APOL4: variants seen among roughly 807,000 people sequenced by gnomAD.
APOL4 encodes the protein apolipoprotein L4, also known as apolipoprotein L, 4.
In APOL4, 14 loss-of-function variants were observed where a neutral mutation model predicts 12.1. That is an observed-to-expected ratio of 1.16 (90% CI 0.76 to 1.81). APOL4 has a LOEUF of 1.81. APOL4 is among the 40% of genes most tolerant of loss of function. The pLI, the probability that APOL4 is intolerant of heterozygous loss-of-function variation, is 0.00. For missense variants in APOL4, 432 were observed against 423.1 expected, an observed-to-expected ratio of 1.02 and a Z score of -0.18; for synonymous variants, 171 against 160.6, an observed-to-expected ratio of 1.06 and a Z score of -0.49.
intron 3 of APOL4, among the ~76,000 whole-genome samples, chr22:36,193,904 G>A (rs1226057790): frequency 2.0e-5 from 3 of 152,006 alleles, no homozygotes; most frequent in Admixed American, 6.6e-5. Context: ...CAAACTTCAG[G>A]GTCTCACTCT....
chr22:36,195,336 A>G lies in APOL4; in HGVS notation c.184T>C (p.Phe62Leu). The stretch of plus-strand genomic sequence containing the variant: ...CTGGGCAATTCAGCCACACGCACAA[A>G]TCTCTTCCAGGCTTCATCGCTAGTC... ...LLTSDEAWKR[F>L]VRVAELPREE... Residue 62 changes from phenylalanine to leucine, a missense_variant, in exon 3 of 4, where the codon TTT (phenylalanine) becomes CTT (leucine). Physicochemically the swap from Phe to Leu is conservative, Grantham distance 22. Transcript: ENST00000683024. 1 of 1,613,974 alleles carries G rather than the reference A, an allele frequency of 6.2e-7. No homozygotes were observed. Among genetic ancestry groups the G allele is most frequent in the Non-Finnish European group, 8.5e-7 (1 of 1,179,912 alleles).
In APOL4 at chr22:36,191,024, C is replaced by A. The variant is rs1603477275; in HGVS notation, c.*51G>T. 2.0e-6 allele frequency: 3 copies of A among 1,477,840 alleles called. No individual in the cohort carries two copies. The East Asian group carries it at 7.3e-5, about 36-fold the overall frequency. 91.5% of individuals were successfully genotyped at this position (1,477,840 alleles called of 1,614,324 possible). Reference sequence around the variant, plus strand: ...CACAATCCACGTTCTTCTGCCATGGCTTCAGCCAGTCCCTCCGTTTGGGGT... The same window carrying A: ...CACAATCCACGTTCTTCTGCCATGGATTCAGCCAGTCCCTCCGTTTGGGGT... On this transcript the variant is annotated 3_prime_UTR_variant, in exon 4 of 4. Transcript: ENST00000683024.
Position 36,191,692 on chromosome 22 carries a change from A to T in APOL4, c.430T>A (p.Ser144Thr). The T allele has an allele frequency of 6.2e-7, 1 of 1,614,078 alleles. No homozygotes were observed. Among genetic ancestry groups the T allele is most frequent in the Non-Finnish European group, 8.5e-7 (1 of 1,179,908 alleles). The change falls in exon 4 of 4, where the codon TCT becomes ACT. Residue 144 changes from serine (S) to threonine (T), a missense_variant. Coordinates refer to ENST00000683024, the MANE Select transcript of APOL4 (RefSeq NM_001386885.1). ...HRGCVIANVV[S>T]GSTGILSVIG... ...ACAGACAGGATGCCAGTGGAGCCAG[A>T]CACCACATTGGCGATGACGCAGCCT...
intron 1 of APOL4, among the ~76,000 whole-genome samples, chr22:36,200,432 G>A (rs1422792879): frequency 6.6e-6 from 1 of 152,302 alleles, no homozygotes; most frequent in East Asian, 1.9e-4. Context: ...TGTCCCCCTT[G>A]CTTCTCTAAG....
intron 1 of APOL4, 34 bp downstream of exon 1, chr22:36,201,666 G>A (rs764372369): frequency 6.3e-7 from 1 of 1,581,870 alleles, no homozygotes; most frequent in South Asian, 1.2e-5. Flanking sequence ...GAGCAGAGGA[G>A]CAGGAGGGCA....
rs1256399217 is a variant in APOL4 at position 36,189,616 on chromosome 22, T to C, written c.*1459A>G. 1 of 152,266 alleles carries C rather than the reference T, an allele frequency of 6.6e-6. No individual in the cohort carries two copies. Among genetic ancestry groups the C allele is most frequent in the East Asian group, 1.9e-4 (1 of 5,192 alleles). 9.4% of individuals were successfully genotyped at this position (152,266 alleles called of 1,614,324 possible). On this transcript the variant is annotated 3_prime_UTR_variant, in exon 4 of 4. Transcript: ENST00000683024. ...CTGTTTCTTCTCCTGTATCCAACAG[T>C]TCTAACTGTGGCTTTCTCCATTTTC...
At chr22:36,200,093 G>A (rs372625031) in intron 1 of APOL4, among the ~76,000 whole-genome samples, 14 of 150,404 alleles carry the variant, frequency 9.3e-5, no homozygotes, top group East Asian at 8.0e-4. Flanking sequence ...AGGCGTGAGC[G>A]GTCGCGCCGG....
intron 3 of APOL4, 154 bp downstream of exon 3, chr22:36,195,157 G>C: frequency 1.0e-6 from 1 of 981,222 alleles, no homozygotes; most frequent in South Asian, 1.8e-5. Context: ...GAAGCACTTG[G>C]AGGAAATATT....
rs777380305 is a variant in APOL4 at position 36,197,702 on chromosome 22, T to C, written c.82+1628A>G. Reference sequence around the variant, plus strand: ...TGAGCAGCCAGCTGACAGAGGGCCATGCTGAGATGTGGATACTGGGAGGTC... The same window carrying C: ...TGAGCAGCCAGCTGACAGAGGGCCACGCTGAGATGTGGATACTGGGAGGTC... On this transcript the variant is annotated intron_variant, in intron 2 of 3. Coordinates refer to ENST00000683024, the MANE Select transcript of APOL4 (RefSeq NM_001386885.1). The C allele has an allele frequency of 2.3e-5, 35 of 1,550,476 alleles. No homozygotes were observed. In the South Asian group the frequency reaches 3.6e-4, roughly 16 times the overall value.
At chr22:36,204,690 A>T, upstream of APOL4, 3 of 577,794 alleles carry the variant, frequency 5.2e-6, no homozygotes, top group Non-Finnish European at 8.1e-6. Flanking sequence ...TGTGGATCTC[A>T]CCTCCAGCTG....
At position 36,189,139 on chromosome 22, in the gene APOL4, C is replaced by T. The variant is rs1444072190; in HGVS notation, c.*1936G>A. The T allele has an allele frequency of 6.6e-6, 1 of 152,180 alleles. No individual in the cohort carries two copies. Among genetic ancestry groups the T allele is most frequent in the Non-Finnish European group, 1.5e-5 (1 of 68,054 alleles). The allele number at this position is 152,180 out of a possible 1,614,324, so 9.4% of individuals were successfully genotyped here. ...TAAACAAGTCCAGCTTGGCGAGTAG[C>T]TAAGTTTATTAGGACTTACACACAG... On this transcript the variant is annotated 3_prime_UTR_variant, in exon 4 of 4. Transcript: ENST00000683024.
intron 2 of APOL4, chr22:36,197,618 G>C (rs1569531352): frequency 6.5e-7 from 1 of 1,531,164 alleles, no homozygotes; most frequent in Non-Finnish European, 8.8e-7. Flanking sequence ...ATCTGAACTG[G>C]GGTCATATCA....
At chr22:36,199,693 G>T in intron 1 of APOL4, 1 of 1,516,032 alleles carries the variant, frequency 6.6e-7, no homozygotes, top group Non-Finnish European at 8.9e-7. Context: ...CGCAGAAATA[G>T]AGATGGGAAG....
At chr22:36,196,710 C>T (rs919007663) in intron 2 of APOL4, among the ~76,000 whole-genome samples, 2 of 152,116 alleles carry the variant, frequency 1.3e-5, no homozygotes, top group Non-Finnish European at 2.9e-5. Flanking sequence ...ACGTGCGAGG[C>T]CTCATTCTCA....
rs1300262977 is a variant in APOL4 at position 36,201,723 on chromosome 22, C to T, written c.12G>A (p.Trp4Ter). The change falls in exon 1 of 4, where the codon TGG becomes TGA. Residue 4 changes from tryptophan (W) to a stop codon, truncating the protein, a stop_gained. Coordinates refer to ENST00000683024, the MANE Select transcript of APOL4 (RefSeq NM_001386885.1). LOFTEE classifies it high-confidence loss of function. The part of the protein sequence containing the change: MGS[W>*]VQLITSVGVQ... ...ACCCGACGCTTGTGATGAGCTGCAC[C>T]CAGGATCCCATCCTCCTTGGTCATT... 6.2e-7 allele frequency: 1 copy of T among 1,608,162 alleles called. No homozygotes were observed. Among genetic ancestry groups the T allele is most frequent in the East Asian group, 2.2e-5 (1 of 44,746 alleles).
chr22:36,189,713 C>G lies in APOL4; in HGVS notation c.*1362G>C, dbSNP rs2014192973. 3 of 152,572 alleles carry G rather than the reference C, an allele frequency of 2.0e-5. No individual in the cohort carries two copies. Among genetic ancestry groups the G allele is most frequent in the South Asian group, 3.9e-4 (2 of 5,172 alleles). 9.5% of individuals were successfully genotyped at this position (152,572 alleles called of 1,614,324 possible). A position where few individuals can be genotyped will look rare whatever the true frequency, so the allele number is the denominator to read the frequency against. The stretch of plus-strand genomic sequence containing the variant: ...CCCTCTCTTCCTCCCCCAATATACT[C>G]TTTAGTCTAGAGTAAACTGCTTCTT... On this transcript the variant is annotated 3_prime_UTR_variant, in exon 4 of 4. Transcript: ENST00000683024.
chr22:36,195,743 A>ATC (rs143180155), intron 2 of APOL4, among the ~76,000 whole-genome samples: 94 of 93,460 alleles, frequency 1.0e-3, no homozygotes, highest in South Asian at 2.9e-3. Context: ...GAGACAGATG[A>ATC]TCTCTCTCTC....
chr22:36,199,505 T>C (rs1041772053), intron 1 of APOL4, 129 bp from the exon 2 acceptor site: 2 of 1,609,668 alleles, frequency 1.2e-6, no homozygotes, highest in African/African-American at 2.7e-5. Flanking sequence ...CTAACCCAGA[T>C]TCTTTCTCTA....
At chr22:36,192,136 C>T (rs1295410937) in intron 3 of APOL4, among the ~76,000 whole-genome samples, 4 of 152,080 alleles carry the variant, frequency 2.6e-5, no homozygotes, top group African/African-American at 7.2e-5. Flanking sequence ...GTCAGGAGAT[C>T]GAGACCATCC....
Sources: allele counts gnomAD v4.1 joint callset (sites outside exome capture counted in the v4.1 genomes callset), GRCh38; gene constraint gnomAD v4.1.1; transcripts MANE v1.5; gene names NCBI Gene and HGNC (gene_info 2026-07-23, HGNC 2026-07-21).